BBOX1: variants seen among roughly 807,000 people sequenced by gnomAD.
BBOX1 encodes gamma-butyrobetaine hydroxylase 1.
Under a neutral mutation model 41.6 loss-of-function variants are expected in BBOX1, and 35 were observed. The observed-to-expected ratio is 0.84, with a 90% confidence interval of 0.64 to 1.11. The LOEUF (loss-of-function observed/expected upper bound fraction) is 1.11. Among genes scored for constraint, BBOX1 ranks in the 50% most tolerant of loss-of-function variants. The pLI is 0.00. For synonymous variants in BBOX1, 163 were observed against 154.7 expected, an observed-to-expected ratio of 1.05 and a Z score of -0.40; for missense variants, 458 against 460.6, an observed-to-expected ratio of 0.99 and a Z score of 0.05.
At chr11:27,099,697 T>G (rs989371111) in intron 5 of BBOX1, among the ~76,000 whole-genome samples, 1 of 152,100 alleles carries the variant, frequency 6.6e-6, no homozygotes, top group Admixed American at 6.6e-5. Flanking sequence ...ATGGGCTGTT[T>G]GTAAGCGAGA....
intron 5 of BBOX1, among the ~76,000 whole-genome samples, chr11:27,111,912 T>A (rs1795729049): frequency 6.6e-6 from 1 of 151,906 alleles, no homozygotes. Context: ...TTGTTTGAAA[T>A]CCTTGACGAA....
chr11:27,072,016 C>A (rs531541102), intron 4 of BBOX1, among the ~76,000 whole-genome samples: 1 of 152,188 alleles, frequency 6.6e-6, no homozygotes, highest in South Asian at 2.1e-4. Flanking sequence ...GGTCACAAGA[C>A]AAGGATGCCC....
At chr11:27,076,624 AT>A (rs1207845065) in intron 4 of BBOX1, among the ~76,000 whole-genome samples, 1 of 152,158 alleles carries the variant, frequency 6.6e-6, no homozygotes, top group Non-Finnish European at 1.5e-5. Context: ...GAGTGGGGCC[AT>A]AAAGCTCCCA....
intron 4 of BBOX1, among the ~76,000 whole-genome samples, chr11:27,091,311 C>G (rs1342399854): frequency 1.3e-5 from 2 of 151,960 alleles, no homozygotes; most frequent in Non-Finnish European, 2.9e-5. Context: ...AGACTGTGAA[C>G]TCTTCAAAAC....
intron 5 of BBOX1, among the ~76,000 whole-genome samples, chr11:27,093,571 A>G (rs1858327170): frequency 6.6e-6 from 1 of 152,040 alleles, no homozygotes; most frequent in Admixed American, 6.6e-5. Context: ...ACCAGGCACC[A>G]AAGACATCAG....
chr11:27,052,614 G>C (rs1856850766), intron 2 of BBOX1, among the ~76,000 whole-genome samples: 1 of 151,974 alleles, frequency 6.6e-6, no homozygotes, highest in African/African-American at 2.4e-5. Context: ...TATCTTTGTT[G>C]TTGGCTCAGC....
chr11:27,123,512 G>T (rs568506606), intron 7 of BBOX1, among the ~76,000 whole-genome samples: 2 of 151,984 alleles, frequency 1.3e-5, no homozygotes, highest in African/African-American at 4.8e-5. Context: ...ATCCCTTGGC[G>T]GATGACACAG....
intron 4 of BBOX1, among the ~76,000 whole-genome samples, chr11:27,067,617 G>T (rs1472184752): frequency 6.7e-6 from 1 of 149,688 alleles, no homozygotes; most frequent in Non-Finnish European, 1.5e-5. Flanking sequence ...GTAGTCCCAG[G>T]TACTCTGGAG....
intron 4 of BBOX1, among the ~76,000 whole-genome samples, chr11:27,068,691 T>C (rs533155487): frequency 7.9e-5 from 12 of 152,284 alleles, no homozygotes; most frequent in African/African-American, 2.9e-4. Context: ...TCCTCTAGAA[T>C]TTTTATTATT....
At chr11:27,111,517 C>T (rs1423636417) in intron 5 of BBOX1, among the ~76,000 whole-genome samples, 2 of 151,770 alleles carry the variant, frequency 1.3e-5, no homozygotes, top group Non-Finnish European at 2.9e-5. Flanking sequence ...TTTTTATTAC[C>T]ATTTTAAAGT....
Position 27,093,437 on chromosome 11 carries a change from C to T in BBOX1, c.533+71C>T, listed in dbSNP as rs776256326. 5.5e-5 allele frequency: 80 copies of T among 1,463,202 alleles called. 1 individual carries two copies. In the South Asian group the frequency reaches 5.6e-4, roughly 10 times the overall value. 90.6% of individuals were successfully genotyped at this position (1,463,202 alleles called of 1,614,324 possible). On this transcript the variant is annotated intron_variant, in intron 5 of 8. Coordinates refer to ENST00000263182, the MANE Select transcript of BBOX1 (RefSeq NM_003986.3). ...GAAATAGTTCCCAACTGAGGACGAC[C>T]GCCTTGATTGAAGATACAGAAATTC...
chr11:27,083,367 G>A (rs1857921150), intron 4 of BBOX1, among the ~76,000 whole-genome samples: 1 of 152,096 alleles, frequency 6.6e-6, no homozygotes, highest in African/African-American at 2.4e-5. Flanking sequence ...TCTAGCGGAA[G>A]AGACAGAGCC....
chr11:27,064,884 T>C (rs1857235246), intron 4 of BBOX1, among the ~76,000 whole-genome samples: 1 of 148,650 alleles, frequency 6.7e-6, no homozygotes, highest in African/African-American at 2.5e-5. Flanking sequence ...TGGGGTCCAG[T>C]GGAGCCATAG....
At chr11:27,087,871 T>C (rs1366248815) in intron 4 of BBOX1, among the ~76,000 whole-genome samples, 1 of 152,042 alleles carries the variant, frequency 6.6e-6, no homozygotes, top group African/African-American at 2.4e-5. Flanking sequence ...TTTGAAGAAC[T>C]GAAAAACCAT....
intron 5 of BBOX1, among the ~76,000 whole-genome samples, chr11:27,104,254 A>G (rs1015675403): frequency 9.9e-5 from 15 of 152,158 alleles, no homozygotes; most frequent in Non-Finnish European, 2.2e-4. Context: ...ACTGTCCAGT[A>G]AACACCTGTT....
Position 27,115,532 on chromosome 11 carries a change from A to T in BBOX1, c.614A>T (p.Tyr205Phe), listed in dbSNP as rs923295106. ...GGGAAGCTAAGCTTTCACACTGATT[A>T]TCCAGCCCTCCATCATCCACCTGGG... ...TTGKLSFHTDYPALHHPPGVQ... is the reference protein window; with the variant it reads ...TTGKLSFHTDFPALHHPPGVQ... The change falls in exon 6 of 9, where the codon TAT becomes TTT. Residue 205 changes from tyrosine to phenylalanine, a missense_variant. By Grantham distance (22) the Tyr-to-Phe change is conservative (BLOSUM62 3). Transcript: ENST00000263182. 2.5e-6 allele frequency: 4 copies of T among 1,610,664 alleles called. No homozygotes were observed. The highest frequency in any genetic ancestry group is 3.4e-6 in the Non-Finnish European group (4 of 1,178,006).
intron 6 of BBOX1, among the ~76,000 whole-genome samples, chr11:27,116,630 T>G (rs1564989071): frequency 6.6e-6 from 1 of 151,984 alleles, no homozygotes; most frequent in Non-Finnish European, 1.5e-5. Flanking sequence ...TGGGACAGAT[T>G]GACTTTCACT....
chr11:27,085,820 A>G (rs886616981), intron 4 of BBOX1, among the ~76,000 whole-genome samples: 3 of 152,126 alleles, frequency 2.0e-5, no homozygotes, highest in Non-Finnish European at 2.9e-5. Context: ...AATGCAAAGG[A>G]AAAGTTACAG....
intron 5 of BBOX1, among the ~76,000 whole-genome samples, chr11:27,112,563 C>T (rs916674184): frequency 6.6e-6 from 1 of 151,886 alleles, no homozygotes; most frequent in South Asian, 2.1e-4. Flanking sequence ...GGAAAGGACT[C>T]CTTATTCAAT....
Sources: gnomAD v4.1 joint callset for allele counts (sites outside exome capture counted in the v4.1 genomes callset) on GRCh38, gnomAD v4.1.1 for gene constraint, MANE v1.5 for transcripts, NCBI Gene and HGNC (gene_info 2026-07-23, HGNC 2026-07-21) for gene names.